Variants in USP36 observed in about 807,000 individuals in gnomAD.
The protein encoded by USP36 is ubiquitin specific peptidase 36, also known as ubiquitin carboxyl-terminal hydrolase 36.
USP36 carries 59 observed loss-of-function variants against 111.5 expected under a neutral mutation model. That is an observed-to-expected ratio of 0.53 (90% CI 0.43 to 0.66). The LOEUF (loss-of-function observed/expected upper bound fraction) is 0.66, where lower values mean the gene tolerates loss of function less well. USP36 is among the 30% of genes least tolerant of loss of function. USP36 has a pLI of 0.00. For synonymous variants in USP36, 628 were observed against 581.0 expected (o/e 1.08, Z -1.16); for missense variants, 1,488 against 1,468.0 (o/e 1.01, Z -0.22).
chr17:78,794,445 G>A (rs150350738), downstream of USP36, among the ~76,000 whole-genome samples: 3 of 152,192 alleles, frequency 2.0e-5, no homozygotes, highest in South Asian at 2.1e-4. Flanking sequence ...ACCCCACGGT[G>A]CTTCAGGCAG....
chr17:78,812,714 A>AAAAAC, intron 13 of USP36, 146 bp downstream of exon 13: 1 of 868,764 alleles, frequency 1.2e-6, no homozygotes, highest in South Asian at 2.6e-5. Context: ...AAAAAAAAAA[A>AAAAAC]AAAAGAAAAG....
chr17:78,806,863 G>T, intron 14 of USP36, 96 bp downstream of exon 14: 1 of 1,493,446 alleles, frequency 6.7e-7, no homozygotes, highest in Non-Finnish European at 9.0e-7. Context: ...GGAGGCCAAA[G>T]CCCCCGGACA....
rs1599002541 is a variant in USP36 at position 78,807,298 on chromosome 17, T to G, written c.1746A>C (p.Ser582=). ...WDSRDVVLST[S]PKLLATATAN... The stretch of plus-strand genomic sequence containing the variant: ...CAGTGGCTGTAGCCAGGAGCTTAGG[T>G]GAGGTAGAGAGGACAACATCCCTGC... The change falls in exon 14 of 21, where the codon TCA becomes TCC. Residue 582 remains serine, a synonymous_variant. Transcript: ENST00000449938. 3.1e-6 allele frequency: 5 copies of G among 1,613,832 alleles called. No homozygotes were observed. Among genetic ancestry groups the G allele is most frequent in the Non-Finnish European group, 4.2e-6 (5 of 1,179,914 alleles).
In USP36 at chr17:78,798,567, C is replaced by T; in HGVS notation, c.3241-16G>A. On this transcript the variant is annotated splice_polypyrimidine_tract_variant and intron_variant, in intron 19 of 20. Coordinates refer to ENST00000449938, the MANE Select transcript of USP36 (RefSeq NM_001385174.1). This position sits in a 1 kb window ranked among gnomAD's most constrained non-coding sequence, Gnocchi z 5.1. ...TTTTCTTTTCCTAGACCAAGAATCA[C>T]AGGCATCACAGTTCCCAAAAACGGC... is the stretch of plus-strand genomic sequence containing the variant. 1 of 1,611,338 alleles carries T rather than the reference C, an allele frequency of 6.2e-7. No homozygotes were observed. Among genetic ancestry groups the T allele is most frequent in the Non-Finnish European group, 8.5e-7 (1 of 1,179,942 alleles).
At chr17:78,813,519 C>T (rs1054370575) in intron 12 of USP36, among the ~76,000 whole-genome samples, 3 of 152,186 alleles carry the variant, frequency 2.0e-5, no homozygotes, top group Non-Finnish European at 4.4e-5. Flanking sequence ...TGGGGCAATA[C>T]TATAAATGGT....
chr17:78,816,805 G>A (rs1340529143), intron 10 of USP36, among the ~76,000 whole-genome samples: 1 of 152,086 alleles, frequency 6.6e-6, no homozygotes, highest in Non-Finnish European at 1.5e-5. Context: ...TGAGTTGTGG[G>A]ATTTGTTGAA....
chr17:78,823,880 T>C (rs2067295925), intron 6 of USP36, among the ~76,000 whole-genome samples: 1 of 152,134 alleles, frequency 6.6e-6, no homozygotes, highest in Non-Finnish European at 1.5e-5. Context: ...TGGATACGAA[T>C]CTTGAAAACC....
intron 13 of USP36, among the ~76,000 whole-genome samples, chr17:78,812,187 C>CA (rs34568176): frequency 9.6e-5 from 14 of 145,286 alleles, no homozygotes; most frequent in Middle Eastern, 3.5e-3. Context: ...ACCCTGTCTC[C>CA]AAAAAAAAAA....
At chr17:78,794,000 C>T (rs993402718), downstream of USP36, among the ~76,000 whole-genome samples, 4 of 152,216 alleles carry the variant, frequency 2.6e-5, no homozygotes, top group Non-Finnish European at 5.9e-5. Context: ...GCTTGCTTCC[C>T]TGGCTACTAC....
chr17:78,829,617 G>C (rs1403894071), intron 4 of USP36, among the ~76,000 whole-genome samples: 1 of 152,218 alleles, frequency 6.6e-6, no homozygotes, highest in African/African-American at 2.4e-5. Context: ...GGCAGCCATA[G>C]ACAATATATG....
chr17:78,836,012 CA>C, intron 3 of USP36, 98 bp downstream of exon 3: 2 of 1,516,264 alleles, frequency 1.3e-6, no homozygotes, highest in Non-Finnish European at 1.8e-6. Flanking sequence ...TCTTTGACCA[CA>C]TTCTCTTGTT....
At chr17:78,806,427 A>C (rs1331185959) in intron 14 of USP36, 141 bp from the exon 15 acceptor site, 4 of 1,013,026 alleles carry the variant, frequency 3.9e-6, no homozygotes, top group Non-Finnish European at 5.7e-6. Flanking sequence ...GAAGACAAAA[A>C]GGGGAGGTGA....
rs369403300 is a variant in USP36, at chr17:78,798,368, C to A, written c.*20+32G>T. The A allele has an allele frequency of 5.6e-6, 9 of 1,610,580 alleles. No homozygotes were observed. The African/African-American group carries it at 1.2e-4, about 22-fold the overall frequency. ...ACATACACGGCACACACACCCCCACCTCACCCTTACACCCACCCCCTCGGA... is the reference window on the plus strand; with the variant it reads ...ACATACACGGCACACACACCCCCACATCACCCTTACACCCACCCCCTCGGA... On this transcript the variant is annotated intron_variant, in intron 20 of 20. Transcript: ENST00000449938. The surrounding 1 kb of genome is among the most constrained non-coding windows in gnomAD (Gnocchi z 5.1).
At position 78,836,608 on chromosome 17, in the gene USP36, A is replaced by C. The variant is rs9895988; in HGVS notation, c.-9-236T>G. Among the ~76,000 whole-genome samples, 295 of 152,256 alleles carry C rather than the reference A, an allele frequency of 1.9e-3. 4 individuals are homozygous for C. Among genetic ancestry groups the C allele is most frequent in the African/African-American group, 6.6e-3 (275 of 41,540 alleles). On this transcript the variant is annotated intron_variant, in intron 2 of 20. Transcript: ENST00000449938. Reference sequence around the variant, plus strand: ...TAAGATGCCACTACAAATAGAGGTGAGCAGACAACAGTGGCCCTGAGGCAG... The same window carrying C: ...TAAGATGCCACTACAAATAGAGGTGCGCAGACAACAGTGGCCCTGAGGCAG...
intron 13 of USP36, 136 bp downstream of exon 13, chr17:78,812,712 AAAAAAAGAAAAG>A (rs1334112907): frequency 1.2e-6 from 1 of 867,308 alleles, no homozygotes; most frequent in African/African-American, 1.7e-5. Flanking sequence ...AAAAAAAAAA[AAAAAAAGAAAAG>A]AAAAGAAATA....
intron 3 of USP36, 101 bp downstream of exon 3, chr17:78,836,010 C>A: frequency 6.6e-7 from 1 of 1,509,890 alleles, no homozygotes; most frequent in Non-Finnish European, 8.9e-7. Flanking sequence ...ACTCTTTGAC[C>A]ACATTCTCTT....
chr17:78,826,581 T>G (rs2067561732), intron 6 of USP36: 1 of 155,076 alleles, frequency 6.4e-6, no homozygotes, highest in Non-Finnish European at 1.4e-5. Flanking sequence ...TTCCCTAAAC[T>G]ATTTAAAGTA....
intron 14 of USP36, 85 bp from the exon 15 acceptor site, chr17:78,806,371 G>GA: frequency 6.4e-7 from 1 of 1,556,534 alleles, no homozygotes; most frequent in Non-Finnish European, 8.6e-7. Flanking sequence ...AACAAAAAAT[G>GA]AAAATAAAAA....
rs376009031 is a variant in USP36, at chr17:78,813,015, A to G, written c.1266-14T>C. 6.2e-7 allele frequency: 1 copy of G among 1,613,836 alleles called. No homozygotes were observed. Among genetic ancestry groups the G allele is most frequent in the Non-Finnish European group, 8.5e-7 (1 of 1,179,858 alleles). On this transcript the variant is annotated splice_polypyrimidine_tract_variant and intron_variant, in intron 12 of 20. Transcript: ENST00000449938. ...GAGCCTGGAATTCTGTCAAAGGAAG[A>G]AAACAAGTAGGGAATTCTCTTACTA...
Sources: allele counts gnomAD v4.1 joint callset (sites outside exome capture counted in the v4.1 genomes callset), GRCh38; gene constraint gnomAD v4.1.1; non-coding constraint Gnocchi (gnomAD v3.1); transcripts MANE v1.5; gene names NCBI Gene and HGNC (gene_info 2026-07-23, HGNC 2026-07-21).